Variants in GRID2 observed in about 807,000 individuals in gnomAD.
The protein encoded by GRID2 is glutamate receptor ionotropic, delta-2.
A neutral mutation model predicts 114.8 loss-of-function variants in GRID2; 33 were observed. That is an observed-to-expected ratio of 0.29 (90% CI 0.22 to 0.38). GRID2 has a LOEUF of 0.38. Ranked by LOEUF, GRID2 falls within the 10% of genes least tolerant of loss-of-function variation. GRID2 has a pLI of 1.00. For missense variants in GRID2, 1,184 were observed against 1,257.7 expected (o/e 0.94, Z 0.89); for synonymous variants, 505 against 449.9 (o/e 1.12, Z -1.55).
intron 7 of GRID2, 137 bp downstream of exon 7, chr4:93,224,912 G>C (rs1301261634): frequency 3.2e-6 from 2 of 616,494 alleles, no homozygotes; most frequent in Non-Finnish European, 5.5e-6. Flanking sequence ...TATTGAAAAA[G>C]AAAAAAGGTG....
At chr4:92,938,003 G>A (rs115839236) in intron 2 of GRID2, among the ~76,000 whole-genome samples, 1 of 146,740 alleles carries the variant, frequency 6.8e-6, no homozygotes, top group African/African-American at 2.4e-5. Context: ...CCTTTATTAT[G>A]TTGAGGAAGC....
chr4:92,354,381 T>A (rs1297240066), intron 1 of GRID2, among the ~76,000 whole-genome samples: 4 of 152,002 alleles, frequency 2.6e-5, no homozygotes, highest in Non-Finnish European at 4.4e-5. Context: ...GTGGGGTACA[T>A]GAGCTTGTAG....
At chr4:93,626,563 C>T (rs1039376174) in intron 14 of GRID2, 128 bp downstream of exon 14, 2 of 582,344 alleles carry the variant, frequency 3.4e-6, no homozygotes, top group African/African-American at 3.8e-5. Context: ...ACAACAACAA[C>T]AAAAAAGATA....
chr4:93,427,843 G>C (rs1178718399), intron 10 of GRID2, among the ~76,000 whole-genome samples: 1 of 151,918 alleles, frequency 6.6e-6, no homozygotes, highest in African/African-American at 2.4e-5. Flanking sequence ...TAAAATTTAT[G>C]AAAACACAAA....
chr4:92,827,001 T>C (rs1389921512), intron 2 of GRID2, among the ~76,000 whole-genome samples: 1 of 152,074 alleles, frequency 6.6e-6, no homozygotes, highest in Non-Finnish European at 1.5e-5. Flanking sequence ...TTATGTTTCA[T>C]CAAAAATATC....
intron 14 of GRID2, among the ~76,000 whole-genome samples, chr4:93,719,882 C>T (rs1467498878): frequency 6.6e-6 from 1 of 152,098 alleles, no homozygotes; most frequent in Non-Finnish European, 1.5e-5. Context: ...CTGATGTTTC[C>T]CATTCACTCC....
intron 14 of GRID2, among the ~76,000 whole-genome samples, chr4:93,728,128 T>C (rs1730117434): frequency 6.6e-6 from 1 of 152,160 alleles, no homozygotes; most frequent in Non-Finnish European, 1.5e-5. Flanking sequence ...CATTTAGTGC[T>C]ATAAATTTCC....
intron 7 of GRID2, among the ~76,000 whole-genome samples, chr4:93,230,179 C>T (rs1007992485): frequency 6.6e-6 from 1 of 151,110 alleles, no homozygotes; most frequent in African/African-American, 2.4e-5. Flanking sequence ...TGCATGCTAT[C>T]ATAAATGAGA....
intron 2 of GRID2, 76 bp downstream of exon 2, chr4:92,590,362 T>A: frequency 3.0e-6 from 3 of 1,016,730 alleles, no homozygotes; most frequent in African/African-American, 1.6e-5. Flanking sequence ...TGAAACTTAT[T>A]AAACATGGAC....
intron 9 of GRID2, among the ~76,000 whole-genome samples, chr4:93,401,079 C>T (rs1286958172): frequency 6.6e-6 from 1 of 151,982 alleles, no homozygotes; most frequent in Non-Finnish European, 1.5e-5. Flanking sequence ...GTAATCCTCC[C>T]AAAGTATTGG....
intron 4 of GRID2, among the ~76,000 whole-genome samples, chr4:93,124,186 A>C (rs1734066045): frequency 6.6e-6 from 1 of 152,078 alleles, no homozygotes; most frequent in South Asian, 2.1e-4. Flanking sequence ...TAGAGAAGAC[A>C]CCAGTCATGG....
At chr4:92,559,832 T>A (rs892873315) in intron 1 of GRID2, among the ~76,000 whole-genome samples, 3 of 152,154 alleles carry the variant, frequency 2.0e-5, no homozygotes, top group Non-Finnish European at 4.4e-5. Context: ...TGAGACCAAA[T>A]CATAACTCAG....
chr4:92,987,649 G>C (rs1473328092), intron 2 of GRID2, among the ~76,000 whole-genome samples: 2 of 151,854 alleles, frequency 1.3e-5, no homozygotes, highest in Non-Finnish European at 2.9e-5. Flanking sequence ...AAATCCTATT[G>C]ATGCTAGAAA....
chr4:93,485,973 A>G (rs928980421), intron 11 of GRID2, among the ~76,000 whole-genome samples: 1 of 151,716 alleles, frequency 6.6e-6, no homozygotes, highest in Non-Finnish European at 1.5e-5. Context: ...TCTTTACAGT[A>G]TTAAGTCTCT....
intron 2 of GRID2, among the ~76,000 whole-genome samples, chr4:92,991,533 T>A (rs1378883163): frequency 6.6e-6 from 1 of 152,210 alleles, no homozygotes; most frequent in Non-Finnish European, 1.5e-5. Context: ...AAATAGAATG[T>A]GAATCGAATG....
intron 1 of GRID2, among the ~76,000 whole-genome samples, chr4:92,526,142 G>A (rs1328116952): frequency 6.6e-6 from 1 of 152,016 alleles, no homozygotes; most frequent in East Asian, 2.0e-4. Context: ...GGGAGGCAAG[G>A]AAGTAAAGAT....
intron 8 of GRID2, among the ~76,000 whole-genome samples, chr4:93,361,483 A>C (rs1761874381): frequency 6.7e-6 from 1 of 150,010 alleles, no homozygotes; most frequent in African/African-American, 2.4e-5. Context: ...TATTATTATT[A>C]TTATTATTAT....
intron 1 of GRID2, among the ~76,000 whole-genome samples, chr4:92,536,037 G>A (rs570580966): frequency 6.6e-6 from 1 of 152,288 alleles, no homozygotes; most frequent in South Asian, 2.1e-4. Context: ...CAAAGAGTGA[G>A]CAGCATTAGG....
At chr4:92,430,126 A>T (rs1212829797) in intron 1 of GRID2, among the ~76,000 whole-genome samples, 1 of 151,962 alleles carries the variant, frequency 6.6e-6, no homozygotes, top group Non-Finnish European at 1.5e-5. Context: ...AAATTTGTTC[A>T]TTCTTGCTTT....
Sources: gnomAD v4.1 joint callset for allele counts (sites outside exome capture counted in the v4.1 genomes callset) on GRCh38, gnomAD v4.1.1 for gene constraint, MANE v1.5 for transcripts, NCBI Gene and HGNC (gene_info 2026-07-23, HGNC 2026-07-21) for gene names.